LRRC4C: variants seen among roughly 807,000 people sequenced by gnomAD.
LRRC4C encodes the protein leucine-rich repeat-containing protein 4C.
Under a neutral mutation model 33.6 loss-of-function variants are expected in LRRC4C, and 5 were observed. The observed-to-expected ratio is 0.15, with a 90% CI of 0.08 to 0.31. LRRC4C has a LOEUF of 0.31. LRRC4C is among the 10% of genes least tolerant of loss of function. The probability of loss-of-function intolerance (pLI) is 1.00; values close to 1 mark genes in which losing one functional copy is unlikely to be tolerated. For synonymous variants in LRRC4C, 329 were observed against 302.0 expected, an observed-to-expected ratio of 1.09 and a Z score of -0.93; for missense variants, 560 against 796.7, an observed-to-expected ratio of 0.70 and a Z score of 3.58.
intron 1 of LRRC4C, among the ~76,000 whole-genome samples, chr11:41,054,777 T>C (rs1590371514): frequency 1.3e-5 from 2 of 152,168 alleles, no homozygotes; most frequent in Non-Finnish European, 2.9e-5. Flanking sequence ...TCTTGTCCTA[T>C]GCAGTGTACA....
At chr11:40,318,963 T>C (rs1945711204) in intron 4 of LRRC4C, among the ~76,000 whole-genome samples, 1 of 152,174 alleles carries the variant, frequency 6.6e-6, no homozygotes, top group East Asian at 1.9e-4. Context: ...GAAAATCTCA[T>C]TCCTTTGACT....
intron 2 of LRRC4C, among the ~76,000 whole-genome samples, chr11:40,879,329 G>A (rs1234871178): frequency 6.6e-6 from 1 of 152,202 alleles, no homozygotes; most frequent in Non-Finnish European, 1.5e-5. Context: ...ACAGTTTGGT[G>A]TGCTCAAAAA....
chr11:41,071,574 C>T (rs1938687089), intron 1 of LRRC4C, among the ~76,000 whole-genome samples: 1 of 152,098 alleles, frequency 6.6e-6, no homozygotes. Flanking sequence ...AGGCCTACTG[C>T]TCAGAAAAAA....
intron 1 of LRRC4C, among the ~76,000 whole-genome samples, chr11:41,007,488 A>G (rs1245638595): frequency 1.3e-5 from 2 of 152,072 alleles, no homozygotes; most frequent in Non-Finnish European, 2.9e-5. Context: ...CAAAATTTTA[A>G]TGCACATATG....
chr11:41,202,750 C>T (rs1242459037), intron 1 of LRRC4C, among the ~76,000 whole-genome samples: 2 of 151,428 alleles, frequency 1.3e-5, no homozygotes, highest in Non-Finnish European at 2.9e-5. Flanking sequence ...AACTATTTAA[C>T]AATAAACTAG....
intron 3 of LRRC4C, among the ~76,000 whole-genome samples, chr11:40,590,569 T>A (rs1398230740): frequency 6.6e-6 from 1 of 152,126 alleles, no homozygotes; most frequent in Non-Finnish European, 1.5e-5. Context: ...TTTTAGAGTT[T>A]CCAGCTTTTC....
intron 1 of LRRC4C, among the ~76,000 whole-genome samples, chr11:41,014,858 C>T (rs1001776972): frequency 6.6e-6 from 1 of 151,910 alleles, no homozygotes; most frequent in African/African-American, 2.4e-5. Context: ...ATAAAAAGAT[C>T]GTTTTCATTT....
chr11:40,710,212 C>T (rs1946391656), intron 2 of LRRC4C, among the ~76,000 whole-genome samples: 1 of 152,324 alleles, frequency 6.6e-6, no homozygotes, highest in African/African-American at 2.4e-5. Context: ...AAGTCATTCT[C>T]CATCCTGCTT....
intron 2 of LRRC4C, among the ~76,000 whole-genome samples, chr11:40,697,990 C>T (rs1346222939): frequency 6.6e-6 from 1 of 151,214 alleles, no homozygotes; most frequent in Non-Finnish European, 1.5e-5. Context: ...ATGGCATGAA[C>T]CCGGGAGGCA....
chr11:40,255,375 T>C (rs935139025), intron 4 of LRRC4C, among the ~76,000 whole-genome samples: 1 of 152,166 alleles, frequency 6.6e-6, no homozygotes. Flanking sequence ...GGAAATTTCC[T>C]GAAACTTTCA....
At chr11:40,681,294 A>G (rs1944673061) in intron 2 of LRRC4C, among the ~76,000 whole-genome samples, 1 of 152,210 alleles carries the variant, frequency 6.6e-6, no homozygotes, top group East Asian at 1.9e-4. Flanking sequence ...ATGTCTGTCT[A>G]TGCTTTCAAA....
At chr11:41,338,951 A>G (rs577889021) in intron 1 of LRRC4C, among the ~76,000 whole-genome samples, 3 of 152,198 alleles carry the variant, frequency 2.0e-5, no homozygotes, top group Admixed American at 1.3e-4. Context: ...AGAATAAAAT[A>G]AAATAAAATG....
At chr11:41,314,761 A>C (rs1486609666) in intron 1 of LRRC4C, among the ~76,000 whole-genome samples, 9 of 152,100 alleles carry the variant, frequency 5.9e-5, no homozygotes, top group Non-Finnish European at 1.5e-5. Context: ...TCAAAGCTAC[A>C]TATTGTGCAC....
intron 2 of LRRC4C, among the ~76,000 whole-genome samples, chr11:40,925,395 C>T (rs578197553): frequency 3.3e-4 from 51 of 152,284 alleles, no homozygotes; most frequent in Middle Eastern, 3.4e-3. Context: ...CATTTCTTTG[C>T]CATGGCAACT....
At chr11:40,769,400 G>T (rs1949643371) in intron 2 of LRRC4C, among the ~76,000 whole-genome samples, 1 of 151,858 alleles carries the variant, frequency 6.6e-6, no homozygotes, top group Admixed American at 6.6e-5. Flanking sequence ...AATGTGCATG[G>T]TACCCAAAGC....
At chr11:41,031,197 G>C (rs918487787) in intron 1 of LRRC4C, among the ~76,000 whole-genome samples, 1 of 151,868 alleles carries the variant, frequency 6.6e-6, no homozygotes, top group Non-Finnish European at 1.5e-5. Flanking sequence ...TGGCTGAAAA[G>C]GCCGAAGGTT....
At chr11:40,802,533 G>C (rs1951081674) in intron 2 of LRRC4C, among the ~76,000 whole-genome samples, 2 of 151,688 alleles carry the variant, frequency 1.3e-5, no homozygotes, top group South Asian at 4.2e-4. Context: ...AGGAAGAGGA[G>C]GATAAGGAGG....
chr11:40,326,825 T>A (rs1835022676), intron 3 of LRRC4C, among the ~76,000 whole-genome samples: 1 of 152,142 alleles, frequency 6.6e-6, no homozygotes, highest in Admixed American at 6.5e-5. Context: ...TGATCTGAGT[T>A]TTTTAAAGAT....
chr11:40,824,514 C>T (rs1457627097), intron 2 of LRRC4C, among the ~76,000 whole-genome samples: 2 of 151,868 alleles, frequency 1.3e-5, no homozygotes, highest in African/African-American at 4.8e-5. Context: ...TCTGGATTCA[C>T]GTTTCCACTA....
Sources: allele counts gnomAD v4.1 joint callset (sites outside exome capture counted in the v4.1 genomes callset), GRCh38; gene constraint gnomAD v4.1.1; transcripts MANE v1.5; gene names NCBI Gene and HGNC (gene_info 2026-07-23, HGNC 2026-07-21).